The following PTPRD variants were observed in gnomAD, a reference collection of about 807,000 sequenced individuals.
PTPRD encodes receptor-type tyrosine-protein phosphatase delta.
A neutral mutation model predicts 214.5 loss-of-function variants in PTPRD; 34 were observed. The observed-to-expected ratio is 0.16, with a 90% CI of 0.12 to 0.21. The LOEUF (loss-of-function observed/expected upper bound fraction) is 0.21, where lower values mean the gene tolerates loss of function less well. Among genes scored for constraint, PTPRD ranks in the 10% least tolerant of loss-of-function variants. PTPRD has a pLI of 1.00. For missense variants in PTPRD, 2,545 were observed against 2,398.7 expected, an observed-to-expected ratio of 1.06 and a Z score of -1.27; for synonymous variants, 1,128 against 845.7, an observed-to-expected ratio of 1.33 and a Z score of -5.79.
chr9:10,519,027 A>T (rs147754333), intron 2 of PTPRD, among the ~76,000 whole-genome samples: 68 of 151,554 alleles, frequency 4.5e-4, no homozygotes, highest in African/African-American at 1.5e-3. Context: ...TTTTCAGCTA[A>T]CTCTTACCTT....
intron 3 of PTPRD, among the ~76,000 whole-genome samples, chr9:10,258,335 A>G (rs1042056268): frequency 6.6e-6 from 1 of 152,126 alleles, no homozygotes; most frequent in Non-Finnish European, 1.5e-5. Context: ...AAAATGTTGC[A>G]TTAATGTGGT....
chr9:9,474,062 A>ATATT (rs1589337616), intron 8 of PTPRD, among the ~76,000 whole-genome samples: 2 of 151,972 alleles, frequency 1.3e-5, no homozygotes, highest in East Asian at 3.9e-4. Context: ...TGTTTCCCCT[A>ATATT]TATTTACTTC....
intron 3 of PTPRD, among the ~76,000 whole-genome samples, chr9:10,240,066 A>G (rs940683949): frequency 5.7e-4 from 87 of 151,958 alleles, no homozygotes; most frequent in African/African-American, 2.0e-3. Context: ...ATCTAAACAG[A>G]CAGGCCTTGC....
In PTPRD at chr9:9,216,694, G is replaced by C. The variant is rs556728442; in HGVS notation, c.-202-33331C>G. Among the ~76,000 whole-genome samples the C allele has an allele frequency of 3.3e-5, 5 of 152,172 alleles. No individual in the cohort carries two copies. In the South Asian group the frequency reaches 6.2e-4, roughly 19 times the overall value. ...AGACCAAGCTTGGTATCATTCCTCT[G>C]TTTTGTGCCTTATCTTTCTTTTTCT... On this transcript the variant is annotated intron_variant, in intron 9 of 45. Coordinates refer to ENST00000381196, the MANE Select transcript of PTPRD (RefSeq NM_002839.4).
chr9:8,830,786 A>C (rs990949328), intron 11 of PTPRD, among the ~76,000 whole-genome samples: 1 of 152,140 alleles, frequency 6.6e-6, no homozygotes, highest in African/African-American at 2.4e-5. Flanking sequence ...TAATTTGGGG[A>C]AAGGGCATAC....
intron 3 of PTPRD, among the ~76,000 whole-genome samples, chr9:10,287,564 A>G (rs562557808): frequency 6.6e-6 from 1 of 152,162 alleles, no homozygotes; most frequent in East Asian, 1.9e-4. Flanking sequence ...CTCCCCTGGG[A>G]GAGTAGCAAG....
chr9:9,915,715 AG>A (rs1555329024), intron 5 of PTPRD, among the ~76,000 whole-genome samples: 8 of 152,108 alleles, frequency 5.3e-5, no homozygotes, highest in Non-Finnish European at 1.0e-4. Context: ...AGAATGATGA[AG>A]AAAGCCTACA....
chr9:9,093,287 A>G (rs1017613632), intron 10 of PTPRD, among the ~76,000 whole-genome samples: 11 of 152,096 alleles, frequency 7.2e-5, no homozygotes, highest in African/African-American at 2.7e-4. Flanking sequence ...TAAACTGAAA[A>G]TCAGTAATGA....
chr9:9,606,686 A>G (rs1216008695), intron 7 of PTPRD, among the ~76,000 whole-genome samples: 1 of 152,024 alleles, frequency 6.6e-6, no homozygotes, highest in Non-Finnish European at 1.5e-5. Flanking sequence ...TATTTATACT[A>G]CCAACCACCA....
Position 8,335,702 on chromosome 9 carries a change from T to G in PTPRD, c.5379+3220A>C, listed in dbSNP as rs140074971. Among the ~76,000 whole-genome samples, 513 of 152,314 alleles carry G rather than the reference T, an allele frequency of 3.4e-3. 7 individuals carry two copies. The highest frequency in any genetic ancestry group is 0.026 in the Admixed American group (403 of 15,300). On this transcript the variant is annotated intron_variant, in intron 43 of 45. Coordinates refer to ENST00000381196, the MANE Select transcript of PTPRD (RefSeq NM_002839.4). ...CAATTAGGAAAAGAGGAAGTGAAAT[T>G]GTCTCTGTTTGCAGATGACATGATT...
intron 2 of PTPRD, among the ~76,000 whole-genome samples, chr9:10,388,609 A>G (rs967086670): frequency 6.6e-6 from 1 of 151,868 alleles, no homozygotes; most frequent in African/African-American, 2.4e-5. Flanking sequence ...TTTATCTTTG[A>G]CAAATAACAT....
At chr9:8,630,507 T>C (rs773175136) in intron 14 of PTPRD, among the ~76,000 whole-genome samples, 6 of 151,896 alleles carry the variant, frequency 4.0e-5, no homozygotes, top group Non-Finnish European at 8.8e-5. Context: ...TAAAAGGATA[T>C]ATAAAAGTAT....
chr9:10,387,309 G>A (rs113343865), intron 2 of PTPRD, among the ~76,000 whole-genome samples: 2,450 of 151,898 alleles, frequency 0.016, 65 homozygotes, highest in African/African-American at 0.056. Flanking sequence ...TGAGCCATAT[G>A]TTTTTTCTTT....
chr9:9,122,950 G>T (rs908928233), intron 10 of PTPRD, among the ~76,000 whole-genome samples: 1 of 152,128 alleles, frequency 6.6e-6, no homozygotes. Flanking sequence ...AAGAAATAGA[G>T]TTTGTGACAT....
intron 10 of PTPRD, among the ~76,000 whole-genome samples, chr9:9,034,635 T>C (rs1333843453): frequency 6.6e-6 from 1 of 152,110 alleles, no homozygotes; most frequent in Admixed American, 6.6e-5. Context: ...TAAATTCATA[T>C]GTAGTGGCTG....
intron 11 of PTPRD, among the ~76,000 whole-genome samples, chr9:8,756,524 G>A (rs1183853973): frequency 6.6e-6 from 1 of 152,112 alleles, no homozygotes; most frequent in East Asian, 1.9e-4. Flanking sequence ...TGTTAAAGCT[G>A]TATCAGTTGG....
intron 3 of PTPRD, among the ~76,000 whole-genome samples, chr9:10,150,988 G>A (rs943517431): frequency 6.6e-6 from 1 of 151,580 alleles, no homozygotes; most frequent in African/African-American, 2.4e-5. Context: ...ATTGTATGAG[G>A]TGAGTTGTGG....
At chr9:9,217,912 A>C (rs149426247) in intron 9 of PTPRD, among the ~76,000 whole-genome samples, 380 of 152,204 alleles carry the variant, frequency 2.5e-3, no homozygotes, top group African/African-American at 8.8e-3. Context: ...TTAATACATA[A>C]ATTTATTTTT....
chr9:10,028,927 C>CCAT, intron 4 of PTPRD, among the ~76,000 whole-genome samples: 1 of 152,282 alleles, frequency 6.6e-6, no homozygotes, highest in South Asian at 2.1e-4. Flanking sequence ...GCAACTCCTG[C>CCAT]CATCACAGGC....
Sources: gnomAD v4.1 joint callset for allele counts (sites outside exome capture counted in the v4.1 genomes callset) on GRCh38, gnomAD v4.1.1 for gene constraint, MANE v1.5 for transcripts, NCBI Gene and HGNC (gene_info 2026-07-23, HGNC 2026-07-21) for gene names.